Variants in KIAA2012 observed in about 807,000 individuals in gnomAD.
KIAA2012 encodes uncharacterized protein KIAA2012.
A neutral mutation model predicts 150.6 loss-of-function variants in KIAA2012; 125 were observed. That is an observed-to-expected ratio of 0.83 (90% CI 0.72 to 0.96). The LOEUF (loss-of-function observed/expected upper bound fraction) is 0.96, where lower values mean the gene tolerates loss of function less well. KIAA2012 is among the 40% of genes least tolerant of loss of function. The pLI, the probability that KIAA2012 is intolerant of heterozygous loss-of-function variation, is 0.00. For synonymous variants in KIAA2012, 462 were observed against 504.7 expected, an observed-to-expected ratio of 0.92 and a Z score of 1.13; for missense variants, 1,219 against 1,354.9, an observed-to-expected ratio of 0.90 and a Z score of 1.57.
At chr2:202,181,433 A>C (rs1368061866) in intron 15 of KIAA2012, among the ~76,000 whole-genome samples, 1 of 152,104 alleles carries the variant, frequency 6.6e-6, no homozygotes, top group Non-Finnish European at 1.5e-5. Flanking sequence ...ATTTTAAAAC[A>C]TTAGCTGGGT....
At position 202,109,853 on chromosome 2, in the gene KIAA2012, G is replaced by A. The variant is rs188806472; in HGVS notation, c.1651+64G>A. ...TTGAATGTGGCTCATTGCCAGGGCC[G>A]CATGGCTGCTATGATGTAAGTTTTC... On this transcript the variant is annotated intron_variant, in intron 10 of 23. Coordinates refer to ENST00000498697, the MANE Select transcript of KIAA2012 (RefSeq NM_001277372.4). The A allele has an allele frequency of 2.5e-4, 342 of 1,381,360 alleles. No homozygotes were observed. The African/African-American group carries it at 4.0e-3, about 16-fold the overall frequency. The allele number at this position is 1,381,360 out of a possible 1,614,324, so 85.6% of individuals were successfully genotyped here. A position where few individuals can be genotyped will look rare whatever the true frequency, so the allele number is the denominator to read the frequency against.
At chr2:202,167,343 C>T (rs1404572174) in intron 15 of KIAA2012, among the ~76,000 whole-genome samples, 1 of 152,220 alleles carries the variant, frequency 6.6e-6, no homozygotes, top group African/African-American at 2.4e-5. Flanking sequence ...TTCTAGGCCC[C>T]GCCCTCAGAG....
At chr2:202,202,635 A>T (rs1256046851) in intron 23 of KIAA2012, 48 bp downstream of exon 23, 1 of 397,952 alleles carries the variant, frequency 2.5e-6, no homozygotes, top group Non-Finnish European at 4.4e-6. Flanking sequence ...CCTTTATAAT[A>T]AAGTTCTAGG....
chr2:202,126,090 G>C (rs1268113819), intron 12 of KIAA2012, among the ~76,000 whole-genome samples: 1 of 151,818 alleles, frequency 6.6e-6, no homozygotes, highest in Non-Finnish European at 1.5e-5. Context: ...GAGTAGGCGG[G>C]ATTACAGGCG....
chr2:202,161,790 C>T (rs1220998095), intron 14 of KIAA2012, among the ~76,000 whole-genome samples: 5 of 152,078 alleles, frequency 3.3e-5, no homozygotes, highest in African/African-American at 1.2e-4. Flanking sequence ...TTTGTGCCCC[C>T]GGTGCCTATC....
intron 11 of KIAA2012, among the ~76,000 whole-genome samples, chr2:202,120,556 C>G (rs2105934104): frequency 6.6e-6 from 1 of 152,274 alleles, no homozygotes; most frequent in African/African-American, 2.4e-5. Context: ...TCCCTCTTAT[C>G]CAGGTTTCCA....
Position 202,153,755 on chromosome 2 carries a change from T to A in KIAA2012, c.1909-918T>A, listed in dbSNP as rs529676631. On this transcript the variant is annotated intron_variant, in intron 13 of 23. Transcript: ENST00000498697. ...CTCTTCATGAGGGTGGAGACTTTCA[T>A]CCCTTTGGGCACTGCCCTATCTGCT... Among the ~76,000 whole-genome samples the A allele has an allele frequency of 2.6e-5, 4 of 152,306 alleles. No homozygotes were observed. In the South Asian group the frequency reaches 8.3e-4, roughly 32 times the overall value.
At chr2:202,195,725 C>A (rs768770473) in intron 21 of KIAA2012, among the ~76,000 whole-genome samples, 1 of 152,110 alleles carries the variant, frequency 6.6e-6, no homozygotes, top group African/African-American at 2.4e-5. Context: ...CTATTCTATT[C>A]TCTATTTCCA....
intron 22 of KIAA2012, 150 bp downstream of exon 22, chr2:202,197,169 T>C: frequency 2.6e-5 from 31 of 1,191,148 alleles, no homozygotes; most frequent in Non-Finnish European, 3.6e-5. Context: ...AGAGGGATTC[T>C]TTTGCTGCAA....
intron 4 of KIAA2012, among the ~76,000 whole-genome samples, chr2:202,095,186 C>T (rs939836395): frequency 6.6e-6 from 1 of 152,078 alleles, no homozygotes; most frequent in Admixed American, 6.5e-5. Flanking sequence ...TGCCCATGAT[C>T]ATAGGGGCCA....
intron 11 of KIAA2012, 29 bp downstream of exon 11, chr2:202,113,475 G>GCT: frequency 1.7e-6 from 2 of 1,149,948 alleles, no homozygotes; most frequent in Non-Finnish European, 2.4e-6. Flanking sequence ...GGGCAGCCTT[G>GCT]TTTTTTTTTT....
intron 13 of KIAA2012, among the ~76,000 whole-genome samples, chr2:202,146,631 CAAAAAAA>C (rs34039489): frequency 2.6e-5 from 2 of 76,524 alleles, no homozygotes; most frequent in African/African-American, 1.1e-4. Flanking sequence ...GACTCCATCT[CAAAAAAA>C]AAAAAAAAAA....
At chr2:202,079,070 G>A (rs1007048427) in intron 2 of KIAA2012, among the ~76,000 whole-genome samples, 15 of 152,184 alleles carry the variant, frequency 9.9e-5, no homozygotes, top group Middle Eastern at 3.4e-3. Context: ...GGTGATGCAC[G>A]CCTGTAATCC....
rs148848323 is a variant in KIAA2012 at position 202,083,637 on chromosome 2, C to T, written c.370-7133C>T. Among the ~76,000 whole-genome samples, 229 of 152,280 alleles carry T rather than the reference C, an allele frequency of 1.5e-3. 1 individual carries two copies. Among genetic ancestry groups the T allele is most frequent in the African/African-American group, 5.3e-3 (219 of 41,566 alleles). On this transcript the variant is annotated intron_variant, in intron 2 of 23. Transcript: ENST00000498697. ...AAAATGCAGACATTATTGGGTTTTT[C>T]CATTCAATCGAGCCAACGTCTGAGT... is the stretch of plus-strand genomic sequence containing the variant.
chr2:202,189,320 C>T (rs754371935), intron 18 of KIAA2012, among the ~76,000 whole-genome samples: 5 of 150,252 alleles, frequency 3.3e-5, no homozygotes, highest in Non-Finnish European at 5.9e-5. Context: ...GAGATGGAGT[C>T]TCGCTCTGTC....
chr2:202,148,734 GC>G (rs996836462), intron 13 of KIAA2012, among the ~76,000 whole-genome samples: 1 of 152,184 alleles, frequency 6.6e-6, no homozygotes, highest in Non-Finnish European at 1.5e-5. Context: ...CACACTGGAG[GC>G]CTCCTCCCTT....
intron 13 of KIAA2012, among the ~76,000 whole-genome samples, chr2:202,140,688 G>T (rs1159006698): frequency 6.6e-6 from 1 of 152,188 alleles, no homozygotes; most frequent in African/African-American, 2.4e-5. Context: ...CTAATTTCAT[G>T]TTTATTATAA....
chr2:202,090,078 C>G (rs1462409730), intron 2 of KIAA2012, among the ~76,000 whole-genome samples: 3 of 152,188 alleles, frequency 2.0e-5, no homozygotes, highest in Non-Finnish European at 4.4e-5. Context: ...ATTCTTTTGC[C>G]TAAGCAATCA....
At chr2:202,099,538 A>G (rs1407255719) in intron 5 of KIAA2012, 75 bp from the exon 6 acceptor site, 3 of 1,226,578 alleles carry the variant, frequency 2.4e-6, no homozygotes, top group Non-Finnish European at 3.3e-6. Flanking sequence ...GCCTAGCCAC[A>G]AGGGCTGTTA....
Sources: allele counts gnomAD v4.1 joint callset (sites outside exome capture counted in the v4.1 genomes callset), GRCh38; gene constraint gnomAD v4.1.1; transcripts MANE v1.5; gene names NCBI Gene and HGNC (gene_info 2026-07-23, HGNC 2026-07-21).